Variants in BMPR1B observed in about 807,000 individuals in gnomAD.
The protein encoded by BMPR1B is bone morphogenetic protein receptor type 1B.
Under a neutral mutation model 59.1 loss-of-function variants are expected in BMPR1B, and 12 were observed. That is an observed-to-expected ratio of 0.20 (90% CI 0.13 to 0.33). BMPR1B has a LOEUF of 0.33. BMPR1B is among the 10% of genes least tolerant of loss of function. The pLI is 1.00. For missense variants in BMPR1B, 550 were observed against 610.9 expected, an observed-to-expected ratio of 0.90 and a Z score of 1.05; for synonymous variants, 237 against 207.3, an observed-to-expected ratio of 1.14 and a Z score of -1.23.
chr4:95,067,075 G>A (rs1727867593), intron 3 of BMPR1B, among the ~76,000 whole-genome samples: 1 of 152,106 alleles, frequency 6.6e-6, no homozygotes, highest in African/African-American at 2.4e-5. Context: ...TCTTTTAATT[G>A]AGAGAGTTGT....
rs1351826944 is a variant in BMPR1B, at chr4:94,849,962, G to C, written c.-182-25869G>C. On this transcript the variant is annotated intron_variant, in intron 1 of 12. Coordinates refer to ENST00000515059, the MANE Select transcript of BMPR1B (RefSeq NM_001203.3). The stretch of plus-strand genomic sequence containing the variant: ...GATCTACTGTATTCTCTCTCCATTT[G>C]TTCCAACCCTTTATTAGAAACCTAC... Among the ~76,000 whole-genome samples the C allele has an allele frequency of 3.3e-5, 5 of 152,176 alleles. No homozygotes were observed. In the East Asian group the frequency reaches 9.7e-4, roughly 29 times the overall value.
At chr4:95,054,402 C>T (rs1328177896) in intron 3 of BMPR1B, among the ~76,000 whole-genome samples, 1 of 152,100 alleles carries the variant, frequency 6.6e-6, no homozygotes, top group Non-Finnish European at 1.5e-5. Flanking sequence ...ATGAGTACAT[C>T]TTGGTAGAGG....
chr4:95,046,431 T>C (rs1006150424), intron 3 of BMPR1B, among the ~76,000 whole-genome samples: 7 of 152,208 alleles, frequency 4.6e-5, no homozygotes, highest in African/African-American at 1.4e-4. Context: ...TTTCCTATAT[T>C]CTGGGCACTG....
At chr4:94,887,704 A>T (rs1485968136) in intron 2 of BMPR1B, among the ~76,000 whole-genome samples, 1 of 152,154 alleles carries the variant, frequency 6.6e-6, no homozygotes, top group East Asian at 1.9e-4. Flanking sequence ...GACCAAGAGG[A>T]TACAAATGAC....
At chr4:94,957,175 A>G (rs893950145) in intron 2 of BMPR1B, among the ~76,000 whole-genome samples, 5 of 152,056 alleles carry the variant, frequency 3.3e-5, no homozygotes, top group African/African-American at 1.2e-4. Context: ...GCTGGGGATT[A>G]GTGTTAACAA....
At chr4:94,959,112 T>C (rs543706780) in intron 2 of BMPR1B, among the ~76,000 whole-genome samples, 1 of 152,262 alleles carries the variant, frequency 6.6e-6, no homozygotes, top group African/African-American at 2.4e-5. Context: ...TTTAACTCTA[T>C]GATCCTAGTG....
intron 1 of BMPR1B, among the ~76,000 whole-genome samples, chr4:94,777,366 A>G (rs912157613): frequency 6.6e-6 from 1 of 152,156 alleles, no homozygotes; most frequent in Non-Finnish European, 1.5e-5. Flanking sequence ...TATTTAAAAA[A>G]AGGAAAAGAA....
chr4:94,948,800 A>G (rs1309721735), intron 2 of BMPR1B, among the ~76,000 whole-genome samples: 1 of 152,126 alleles, frequency 6.6e-6, no homozygotes, highest in Non-Finnish European at 1.5e-5. Flanking sequence ...AGATTTGCTA[A>G]ATCACTATCT....
At chr4:94,985,260 G>A (rs1721325375) in intron 2 of BMPR1B, among the ~76,000 whole-genome samples, 1 of 152,020 alleles carries the variant, frequency 6.6e-6, no homozygotes, top group Non-Finnish European at 1.5e-5. Flanking sequence ...AAGGAAAGTG[G>A]TGCCAGGGAG....
chr4:94,917,110 T>C (rs1376651272), intron 2 of BMPR1B, among the ~76,000 whole-genome samples: 1 of 152,212 alleles, frequency 6.6e-6, no homozygotes, highest in Non-Finnish European at 1.5e-5. Context: ...TCTGCCTATA[T>C]TTCAGAGGAT....
At chr4:95,105,557 G>C (rs553099261) in intron 4 of BMPR1B, among the ~76,000 whole-genome samples, 10 of 151,992 alleles carry the variant, frequency 6.6e-5, no homozygotes, top group Middle Eastern at 3.4e-3. Flanking sequence ...AGCTTACCAG[G>C]GTATTCCAAG....
At chr4:95,038,544 G>GA (rs759316928) in intron 3 of BMPR1B, among the ~76,000 whole-genome samples, 11 of 152,134 alleles carry the variant, frequency 7.2e-5, no homozygotes. Context: ...ATCCTCTATT[G>GA]AAAAGGCAGA....
chr4:94,947,931 GCTGGTACTGTGCTAAA>G (rs1433248029), intron 2 of BMPR1B, among the ~76,000 whole-genome samples: 2 of 152,148 alleles, frequency 1.3e-5, no homozygotes, highest in African/African-American at 2.4e-5. Flanking sequence ...GACTACTGCT[GCTGGTACTGTGCTAAA>G]CTACTACCAC....
intron 12 of BMPR1B, among the ~76,000 whole-genome samples, chr4:95,153,038 A>C (rs1560696490): frequency 6.6e-6 from 1 of 152,084 alleles, no homozygotes; most frequent in Non-Finnish European, 1.5e-5. Context: ...TATTTTCTTT[A>C]TTTATAATGT....
intron 2 of BMPR1B, among the ~76,000 whole-genome samples, chr4:94,897,166 A>G (rs1578775038): frequency 6.6e-6 from 1 of 151,964 alleles, no homozygotes; most frequent in East Asian, 1.9e-4. Context: ...CTGCTGCACC[A>G]TCACCTTGGA....
chr4:95,080,332 G>A (rs2149233397), intron 3 of BMPR1B, among the ~76,000 whole-genome samples: 1 of 152,224 alleles, frequency 6.6e-6, no homozygotes, highest in East Asian at 1.9e-4. Flanking sequence ...CACCTCCTGG[G>A]TTCAAGTGAT....
intron 3 of BMPR1B, among the ~76,000 whole-genome samples, chr4:95,048,506 A>G (rs1479892597): frequency 6.6e-6 from 1 of 152,102 alleles, no homozygotes; most frequent in East Asian, 1.9e-4. Flanking sequence ...TGACTGGTGT[A>G]AGATGGTATT....
intron 2 of BMPR1B, among the ~76,000 whole-genome samples, chr4:94,995,358 G>A (rs1444921): frequency 0.96 from 145,486 of 152,236 alleles, 69,548 homozygotes; most frequent in Middle Eastern, 0.99. Flanking sequence ...ATACATTTCT[G>A]TCATTCTCTA....
intron 1 of BMPR1B, among the ~76,000 whole-genome samples, chr4:94,851,641 C>T (rs773613581): frequency 8.6e-5 from 13 of 150,868 alleles, no homozygotes; most frequent in Admixed American, 2.6e-4. Flanking sequence ...CTAATTTATA[C>T]AGCTATTAAT....
Sources: gnomAD v4.1 joint callset for allele counts (sites outside exome capture counted in the v4.1 genomes callset) on GRCh38, gnomAD v4.1.1 for gene constraint, MANE v1.5 for transcripts, NCBI Gene and HGNC (gene_info 2026-07-23, HGNC 2026-07-21) for gene names.